The following ITGB4 variants were observed in gnomAD, a reference collection of about 807,000 sequenced individuals.
The protein encoded by ITGB4 is integrin subunit beta 4, also known as integrin beta-4.
A neutral mutation model predicts 207.6 loss-of-function variants in ITGB4; 159 were observed. The ratio of observed to expected loss-of-function variants is 0.77; its 90% confidence interval spans 0.67 to 0.87. The LOEUF (loss-of-function observed/expected upper bound fraction) is 0.87. ITGB4 is among the 40% of genes least tolerant of loss of function. The pLI is 0.00. For missense variants in ITGB4, 2,278 were observed against 2,546.8 expected (o/e 0.89, Z 2.27); for synonymous variants, 1,020 against 1,062.7 (o/e 0.96, Z 0.78).
Position 75,727,965 on chromosome 17 carries a change from A to G in ITGB4, c.469+110A>G. The stretch of plus-strand genomic sequence containing the variant: ...GCACCCACCCAGAAGGAAACACTGG[A>G]CATTTGAGCCCCCAAAAACCTTCCC... On this transcript the variant is annotated intron_variant, in intron 5 of 39. Transcript: ENST00000200181. The surrounding 1 kb of genome is among the most constrained non-coding windows in gnomAD (Gnocchi z 6.0). 1 of 986,278 alleles carries G rather than the reference A, an allele frequency of 1.0e-6. No individual in the cohort carries two copies. The allele number at this position is 986,278 out of a possible 1,614,324, so 61.1% of individuals were successfully genotyped here.
At chr17:75,737,830 T>C (rs1049038970) in intron 18 of ITGB4, among the ~76,000 whole-genome samples, 186 bp downstream of exon 18, 2 of 148,220 alleles carry the variant, frequency 1.3e-5, no homozygotes, top group African/African-American at 5.1e-5. Context: ...TCCACCACGG[T>C]CCCCACCTCC....
chr17:75,728,289 C>A, intron 5 of ITGB4, 88 bp from the exon 6 acceptor site: 1 of 1,058,828 alleles, frequency 9.4e-7, no homozygotes, highest in Non-Finnish European at 1.5e-6. Flanking sequence ...CCCTCTTCCT[C>A]CCTTCTGAGC....
At position 75,742,456 on chromosome 17, in the gene ITGB4, G is replaced by GC. The variant is rs768076872; in HGVS notation, c.2754dup (p.Gly919ArgfsTer35). On this transcript the variant is annotated frameshift_variant, in exon 24 of 40. Coordinates refer to ENST00000200181, the MANE Select transcript of ITGB4 (RefSeq NM_000213.5). LOFTEE classifies it high-confidence loss of function. This position sits in a 1 kb window ranked among gnomAD's most constrained non-coding sequence, Gnocchi z 5.9. ...GAGGGCCTTCCACGACCTCAAGGTG[G>GC]CCCCCGGCTACTACACCCTCACTGC... The GC allele has an allele frequency of 1.2e-6, 2 of 1,613,078 alleles. No individual in the cohort carries two copies. The highest frequency in any genetic ancestry group is 1.3e-5 in the African/African-American group (1 of 75,040).
chr17:75,731,163 G>A lies in ITGB4; in HGVS notation c.1093-83G>A, dbSNP rs185823589. 7.3e-4 allele frequency: 1,178 copies of A among 1,607,234 alleles called. 7 individuals are homozygous for A. The African/African-American group carries it at 0.012, about 17-fold the overall frequency. On this transcript the variant is annotated intron_variant, in intron 9 of 39. Transcript: ENST00000200181. The surrounding 1 kb of genome is among the most constrained non-coding windows in gnomAD (Gnocchi z 6.8). Reference sequence around the variant, plus strand: ...GCTCCTGCAGGCTCTGTGATACCCCGCATGATGCCAGCCACACTTGGAGGT... The same window carrying A: ...GCTCCTGCAGGCTCTGTGATACCCCACATGATGCCAGCCACACTTGGAGGT...
chr17:75,753,962 G>A lies in ITGB4; in HGVS notation c.4306G>A (p.Gly1436Arg). Reference sequence around the variant, plus strand: ...CAGCCTGCCCCGCAGTGCGACACCCGGGCCCCCCGGAGGTGACAGGCTCAC... The same window carrying A: ...CAGCCTGCCCCGCAGTGCGACACCCAGGCCCCCCGGAGGTGACAGGCTCAC... ...GGSLPRSATP[G>R]PPGEHLVNGR... The change falls in exon 33 of 40, where the codon GGG becomes AGG. Residue 1436 changes from glycine (G) to arginine (R), a missense_variant. Coordinates refer to ENST00000200181, the MANE Select transcript of ITGB4 (RefSeq NM_000213.5). The A allele has an allele frequency of 4.0e-6, 5 of 1,262,566 alleles. No homozygotes were observed. Among genetic ancestry groups the A allele is most frequent in the East Asian group, 3.2e-5 (1 of 31,036 alleles). 78.2% of individuals were successfully genotyped at this position (1,262,566 alleles called of 1,614,324 possible).
chr17:75,755,829 G>C lies in ITGB4; in HGVS notation c.4687G>C (p.Glu1563Gln). 4 of 1,606,918 alleles carry C rather than the reference G, an allele frequency of 2.5e-6. No homozygotes were observed. Among genetic ancestry groups the C allele is most frequent in the Non-Finnish European group, 3.4e-6 (4 of 1,179,744 alleles). Residue 1563 changes from glutamate to glutamine, a missense_variant, in exon 35 of 40, where the codon GAG becomes CAG. Transcript: ENST00000200181. ...CERPLQGYSV[E>Q]YQLLNGGELH... Reference sequence around the variant, plus strand: ...GCGGCCGCTGCAGGGCTACAGTGTGGAGTACCAGCTGCTGAACGGCGGTGA... The same window carrying C: ...GCGGCCGCTGCAGGGCTACAGTGTGCAGTACCAGCTGCTGAACGGCGGTGA...
In ITGB4 at chr17:75,741,021, G is replaced by T. The variant is rs373065909; in HGVS notation, c.2633+16G>T. 1.9e-5 allele frequency: 31 copies of T among 1,611,442 alleles called. No homozygotes were observed. Among genetic ancestry groups the T allele is most frequent in the Middle Eastern group, 1.7e-4 (1 of 5,888 alleles). Reference sequence around the variant, plus strand: ...CCGGGAAAAAGTGAGTAGAAGACTCGTGGGTGAGAGGGCCCCCACTTCCTG... The same window carrying T: ...CCGGGAAAAAGTGAGTAGAAGACTCTTGGGTGAGAGGGCCCCCACTTCCTG... On this transcript the variant is annotated intron_variant, in intron 23 of 39. Coordinates refer to ENST00000200181, the MANE Select transcript of ITGB4 (RefSeq NM_000213.5).
intron 13 of ITGB4, among the ~76,000 whole-genome samples, chr17:75,734,158 CAG>C (rs1205618918): frequency 1.1e-5 from 1 of 93,168 alleles, no homozygotes; most frequent in Non-Finnish European, 1.9e-5. Context: ...TTTTTTGAGA[CAG>C]AGTTTCACTC....
rs144411723 is a variant in ITGB4 at position 75,745,578 on chromosome 17, A to T, written c.3111+1717A>T. Among the ~76,000 whole-genome samples, 1,273 of 151,928 alleles carry T rather than the reference A, an allele frequency of 8.4e-3. 9 individuals carry two copies. Among genetic ancestry groups the T allele is most frequent in the Admixed American group, 0.016 (250 of 15,230 alleles). ...GTAAGACCCTGTCTCTATTTTAAAA[A>T]AATAATAATAATAATAAAGGCCAGG... On this transcript the variant is annotated intron_variant, in intron 26 of 39. Transcript: ENST00000200181.
intron 26 of ITGB4, among the ~76,000 whole-genome samples, chr17:75,747,661 G>A (rs1256006966): frequency 6.6e-6 from 1 of 151,912 alleles, no homozygotes; most frequent in Non-Finnish European, 1.5e-5. Context: ...TTTGTCTTCC[G>A]TGACACTGAC....
chr17:75,745,221 T>C (rs1286427873), intron 26 of ITGB4, among the ~76,000 whole-genome samples: 2 of 151,938 alleles, frequency 1.3e-5, no homozygotes, highest in African/African-American at 4.8e-5. Context: ...GGTGAGACCA[T>C]GTCTATACAT....
Position 75,754,725 on chromosome 17 carries a change from C to T in ITGB4, c.4468C>T (p.Arg1490Trp), listed in dbSNP as rs760181482. Residue 1490 changes from arginine (R) to tryptophan (W), a missense_variant, in exon 34 of 40, where the codon CGG becomes TGG. By Grantham distance (101) the Arg-to-Trp change is moderately radical. Transcript: ENST00000200181. The stretch of plus-strand genomic sequence containing the variant: ...GCTAAGCACATCCTCCACCCTCACA[C>T]GGGACTACAACTCACTGACCCGCTC... ...RVLSTSSTLT[R>W]DYNSLTRSEH... 13 of 1,614,154 alleles carry T rather than the reference C, an allele frequency of 8.1e-6. No individual in the cohort carries two copies. The highest frequency in any genetic ancestry group is 2.2e-5 in the East Asian group (1 of 44,882).
rs372195997 is a variant in ITGB4, at chr17:75,756,819, C to T, written c.5013C>T (p.Ile1671=). ...WERPRRPNGD[I]VGYLVTCEMA... ...GGCCACGGAGGCCCAATGGGGATAT[C>T]GTCGGCTACCTGGTGACCTGTGAGA... Residue 1671 remains isoleucine (I), a synonymous_variant, in exon 37 of 40, where the codon ATC becomes ATT. Transcript: ENST00000200181. 147 of 1,612,286 alleles carry T rather than the reference C, an allele frequency of 9.1e-5. No individual in the cohort carries two copies. The highest frequency in any genetic ancestry group is 4.8e-4 in the African/African-American group (36 of 74,908).
chr17:75,756,882 G>A lies in ITGB4; in HGVS notation c.5053+23G>A, dbSNP rs759874243. Reference sequence around the variant, plus strand: ...GAGGTGCTGCCCACCCCGGGGGCAGGAGTGGCCAGGGGAGGGGTAAAGAGG... The same window carrying A: ...GAGGTGCTGCCCACCCCGGGGGCAGAAGTGGCCAGGGGAGGGGTAAAGAGG... On this transcript the variant is annotated intron_variant, in intron 37 of 39. Transcript: ENST00000200181. 2.5e-6 allele frequency: 4 copies of A among 1,612,166 alleles called. No individual in the cohort carries two copies. The East Asian group carries it at 6.7e-5, about 27-fold the overall frequency.
Position 75,740,664 on chromosome 17 carries a change from A to G in ITGB4, c.2551-129A>G. 8.8e-7 allele frequency: 1 copy of G among 1,141,148 alleles called. No individual in the cohort carries two copies. Among genetic ancestry groups the G allele is most frequent in the Non-Finnish European group, 1.3e-6 (1 of 761,724 alleles). 70.7% of individuals were successfully genotyped at this position (1,141,148 alleles called of 1,614,324 possible). A position where few individuals can be genotyped will look rare whatever the true frequency, so the allele number is the denominator to read the frequency against. On this transcript the variant is annotated intron_variant, in intron 21 of 39. Coordinates refer to ENST00000200181, the MANE Select transcript of ITGB4 (RefSeq NM_000213.5). This position sits in a 1 kb window ranked among gnomAD's most constrained non-coding sequence, Gnocchi z 5.9. ...GAGCCTGGGCCCAGGATGCTGCCCC[A>G]CGGGGCATGCCCCAGCCAACCCTGA...
At position 75,750,344 on chromosome 17, in the gene ITGB4, C is replaced by T; in HGVS notation, c.3474+76C>T. The T allele has an allele frequency of 2.1e-6, 3 of 1,453,982 alleles. No individual in the cohort carries two copies. The highest frequency in any genetic ancestry group is 2.1e-5 in the Admixed American group (1 of 48,420). 90.1% of individuals were successfully genotyped at this position (1,453,982 alleles called of 1,614,324 possible). ...AGCACTCACAGAAGAGGTGGGCCGT[C>T]CAAGGCCAGGGCCCCCTGAGAGAGA... is the stretch of plus-strand genomic sequence containing the variant. On this transcript the variant is annotated intron_variant, in intron 28 of 39. Coordinates refer to ENST00000200181, the MANE Select transcript of ITGB4 (RefSeq NM_000213.5). The surrounding 1 kb of genome is among the most constrained non-coding windows in gnomAD (Gnocchi z 5.5).
At chr17:75,736,731 C>G in intron 16 of ITGB4, 37 bp downstream of exon 16, 1 of 1,573,834 alleles carries the variant, frequency 6.4e-7, no homozygotes, top group Non-Finnish European at 8.6e-7. Flanking sequence ...TTGCTGAGAG[C>G]CTAGGCAGCG....
Position 75,736,054 on chromosome 17 carries a change from G to A in ITGB4, c.1661G>A (p.Arg554Gln), listed in dbSNP as rs772568823. Reference sequence around the variant, plus strand: ...CCTTCCTTGTCCCTCTCTGCAGACCGAGGACGCTGCTCCATGGGCCAGTGT... The same window carrying A: ...CCTTCCTTGTCCCTCTCTGCAGACCAAGGACGCTGCTCCATGGGCCAGTGT... The part of the protein sequence containing the change: ...PRTSGFLCND[R>Q]GRCSMGQCVC... The change falls in exon 14 of 40, where the codon CGA becomes CAA. Residue 554 changes from arginine (R) to glutamine (Q), a missense_variant. Physicochemically the swap from Arg to Gln is conservative, Grantham distance 43. Coordinates refer to ENST00000200181, the MANE Select transcript of ITGB4 (RefSeq NM_000213.5). 3.8e-5 allele frequency: 61 copies of A among 1,613,792 alleles called. No homozygotes were observed. Among genetic ancestry groups the A allele is most frequent in the Non-Finnish European group, 4.5e-5 (53 of 1,180,000 alleles).
intron 15 of ITGB4, 66 bp downstream of exon 15, chr17:75,736,452 G>A (rs1225840403): frequency 6.2e-7 from 1 of 1,610,028 alleles, no homozygotes; most frequent in African/African-American, 1.3e-5. Flanking sequence ...GTGGGCAGGA[G>A]GGGCTAAGCC....
Sources: gnomAD v4.1 joint callset for allele counts (sites outside exome capture counted in the v4.1 genomes callset) on GRCh38, gnomAD v4.1.1 for gene constraint, Gnocchi (gnomAD v3.1) non-coding constraint, MANE v1.5 for transcripts, NCBI Gene and HGNC (gene_info 2026-07-23, HGNC 2026-07-21) for gene names.